RTTN: variants seen among roughly 807,000 people sequenced by gnomAD.
The protein encoded by RTTN is rotatin.
Under a neutral mutation model 269.2 loss-of-function variants are expected in RTTN, and 182 were observed. The ratio of observed to expected loss-of-function variants is 0.68; its 90% CI spans 0.60 to 0.76. RTTN has a LOEUF of 0.76. Ranked by LOEUF, RTTN falls within the 30% of genes least tolerant of loss-of-function variation. The probability of loss-of-function intolerance (pLI) is 0.00; values close to 1 mark genes in which losing one functional copy is unlikely to be tolerated. For synonymous variants in RTTN, 1,006 were observed against 963.5 expected (o/e 1.04, Z -0.82); for missense variants, 2,545 against 2,608.6 (o/e 0.98, Z 0.53).
chr18:70,176,694 G>A lies in RTTN; in HGVS notation c.1457C>T (p.Thr486Met), dbSNP rs190895240. 1.2e-5 allele frequency: 19 copies of A among 1,613,634 alleles called. No individual in the cohort carries two copies. Among genetic ancestry groups the A allele is most frequent in the Admixed American group, 5.0e-5 (3 of 59,962 alleles). The change falls in exon 11 of 49, where the codon ACG becomes ATG. Residue 486 changes from threonine to methionine, a missense_variant. Thr to Met is a moderately conservative substitution (Grantham distance 81). Coordinates refer to ENST00000640769, the MANE Select transcript of RTTN (RefSeq NM_173630.4). ...CCTTACCTTTTCAACAGGGAGAAGC[G>A]TTTGTAGCAGTCGAACTGCAAACAG... ...ISLFAVRLLQ[T>M]LLPVEKASEF...
chr18:70,156,673 C>T (rs1175165734), intron 14 of RTTN, among the ~76,000 whole-genome samples: 4 of 152,146 alleles, frequency 2.6e-5, no homozygotes, highest in Non-Finnish European at 5.9e-5. Flanking sequence ...GATGTCTCCC[C>T]CGGACGCCCA....
chr18:70,052,951 C>T (rs1425127054), intron 38 of RTTN, among the ~76,000 whole-genome samples: 4 of 152,052 alleles, frequency 2.6e-5, no homozygotes, highest in African/African-American at 9.7e-5. Flanking sequence ...ATACTACTTT[C>T]AATTAATTTT....
intron 21 of RTTN, 53 bp from the exon 22 acceptor site, chr18:70,135,333 G>T: frequency 2.8e-6 from 3 of 1,055,586 alleles, no homozygotes; most frequent in Non-Finnish European, 2.8e-6. Context: ...TAGAAAGAAT[G>T]AACTTCAAAT....
At chr18:70,062,505 T>C (rs1464091637) in intron 35 of RTTN, among the ~76,000 whole-genome samples, 1 of 152,206 alleles carries the variant, frequency 6.6e-6, no homozygotes, top group Non-Finnish European at 1.5e-5. Flanking sequence ...TAGAAAACTG[T>C]AAATATCATA....
At chr18:70,113,416 ACTCATACATTG>A in intron 27 of RTTN, among the ~76,000 whole-genome samples, 1 of 152,254 alleles carries the variant, frequency 6.6e-6, no homozygotes, top group African/African-American at 2.4e-5. Context: ...AAAATGAAAC[ACTCATACATTG>A]CTGGTGGGAA....
chr18:70,006,793 C>G, intron 46 of RTTN: 1 of 239,682 alleles, frequency 4.2e-6, no homozygotes, highest in Non-Finnish European at 8.1e-6. Context: ...CAATTAGGTA[C>G]ATTAATGAGT....
chr18:70,093,440 G>A (rs1025700474), intron 28 of RTTN, among the ~76,000 whole-genome samples: 3 of 152,108 alleles, frequency 2.0e-5, no homozygotes, highest in Non-Finnish European at 4.4e-5. Flanking sequence ...CTGTGGGTTT[G>A]TCACAAATAG....
intron 10 of RTTN, among the ~76,000 whole-genome samples, chr18:70,177,282 A>G (rs148756280): frequency 6.6e-6 from 1 of 152,222 alleles, no homozygotes; most frequent in Non-Finnish European, 1.5e-5. Flanking sequence ...TACAAGAGAC[A>G]TGATGATCTC....
At chr18:70,111,414 A>G (rs11874001) in intron 27 of RTTN, among the ~76,000 whole-genome samples, 3,839 of 152,282 alleles carry the variant, frequency 0.025, 164 homozygotes, top group African/African-American at 0.086. Flanking sequence ...ATACCTAGGC[A>G]AACAGGGTCG....
intron 46 of RTTN, among the ~76,000 whole-genome samples, chr18:70,012,994 A>G (rs1282833536): frequency 6.6e-6 from 1 of 152,222 alleles, no homozygotes; most frequent in Non-Finnish European, 1.5e-5. Flanking sequence ...GTGAACTGGA[A>G]ATGTGCATCA....
chr18:70,157,487 A>G (rs2060713424), intron 14 of RTTN, among the ~76,000 whole-genome samples: 1 of 152,244 alleles, frequency 6.6e-6, no homozygotes, highest in African/African-American at 2.4e-5. Flanking sequence ...GCAACTTCAA[A>G]GATTAAAGGA....
chr18:70,180,598 A>AG (rs1181940029), intron 10 of RTTN, among the ~76,000 whole-genome samples: 1 of 151,850 alleles, frequency 6.6e-6, no homozygotes, highest in African/African-American at 2.4e-5. Context: ...AGAGAAAAAA[A>AG]AAAAAAAAAA....
At chr18:70,108,667 C>G (rs2059385618) in intron 28 of RTTN, among the ~76,000 whole-genome samples, 1 of 152,054 alleles carries the variant, frequency 6.6e-6, no homozygotes, top group African/African-American at 2.4e-5. Flanking sequence ...TAATACATCA[C>G]AACCTAACTG....
At position 70,178,411 on chromosome 18, in the gene RTTN, G is replaced by C. The variant is rs559610245; in HGVS notation, c.1306-1566C>G. Among the ~76,000 whole-genome samples, 4 of 152,302 alleles carry C rather than the reference G, an allele frequency of 2.6e-5. No homozygotes were observed. In the East Asian group the frequency reaches 7.7e-4, roughly 29 times the overall value. On this transcript the variant is annotated intron_variant, in intron 10 of 48. Transcript: ENST00000640769. ...AGGTACCAGGAGCTGGGGATAGGCA[G>C]AATGAGGGGTTATTGTTTAATGGGT...
chr18:70,193,492 G>A, intron 7 of RTTN, 39 bp from the exon 8 acceptor site: 1 of 1,332,576 alleles, frequency 7.5e-7, no homozygotes, highest in South Asian at 1.6e-5. Context: ...TTCTTTAGTA[G>A]AAACAGACTT....
At position 70,189,392 on chromosome 18, in the gene RTTN, A is replaced by C. The variant is rs376414597; in HGVS notation, c.1189+1146T>G. Among the ~76,000 whole-genome samples, 79 of 152,340 alleles carry C rather than the reference A, an allele frequency of 5.2e-4. 1 individual carries two copies. In the South Asian group the frequency reaches 0.016, roughly 31 times the overall value. On this transcript the variant is annotated intron_variant, in intron 9 of 48. Transcript: ENST00000640769. Reference sequence around the variant, plus strand: ...GTGGCAAAAAATAGACATGGGACTTAAAGAACCATTAACTTGGAATATATA... The same window carrying C: ...GTGGCAAAAAATAGACATGGGACTTCAAGAACCATTAACTTGGAATATATA...
chr18:70,057,559 C>G (rs1163423964), intron 37 of RTTN, among the ~76,000 whole-genome samples, 183 bp downstream of exon 37: 1 of 152,224 alleles, frequency 6.6e-6, no homozygotes, highest in African/African-American at 2.4e-5. Flanking sequence ...CCCCACCTCT[C>G]TTTTCTAACA....
intron 45 of RTTN, among the ~76,000 whole-genome samples, chr18:70,018,933 C>T (rs1387115221): frequency 8.1e-6 from 1 of 123,048 alleles, no homozygotes; most frequent in African/African-American, 3.1e-5. Flanking sequence ...GAAAAAAAAA[C>T]AAACAAGCAG....
chr18:70,062,765 C>T (rs2058027615), intron 35 of RTTN, among the ~76,000 whole-genome samples: 1 of 152,046 alleles, frequency 6.6e-6, no homozygotes, highest in South Asian at 2.1e-4. Flanking sequence ...GTGTGTGCCA[C>T]CATGCCTGGC....
Sources: gnomAD v4.1 joint callset for allele counts (sites outside exome capture counted in the v4.1 genomes callset) on GRCh38, gnomAD v4.1.1 for gene constraint, MANE v1.5 for transcripts, NCBI Gene and HGNC (gene_info 2026-07-23, HGNC 2026-07-21) for gene names.